Variants in DZIP1L observed in about 807,000 individuals in gnomAD.
DZIP1L encodes the protein cilium assembly protein DZIP1L.
In DZIP1L, 90 loss-of-function variants were observed where a neutral mutation model predicts 88.7. That is an observed-to-expected ratio of 1.02 (90% CI 0.86 to 1.21). The LOEUF (loss-of-function observed/expected upper bound fraction) is 1.21, where lower values mean the gene tolerates loss of function less well. Among genes scored for constraint, DZIP1L ranks in the 50% most tolerant of loss-of-function variants. DZIP1L has a pLI of 0.00. For synonymous variants in DZIP1L, 363 were observed against 372.1 expected, an observed-to-expected ratio of 0.98 and a Z score of 0.28; for missense variants, 932 against 955.8, an observed-to-expected ratio of 0.98 and a Z score of 0.33.
chr3:138,068,750 C>T (rs766426434), intron 12 of DZIP1L, among the ~76,000 whole-genome samples: 36 of 152,160 alleles, frequency 2.4e-4, no homozygotes, highest in Non-Finnish European at 3.8e-4. Flanking sequence ...TGCAGGAAGA[C>T]CCCACTGCCA....
At chr3:138,113,935 G>A (rs1019848400) in intron 1 of DZIP1L, among the ~76,000 whole-genome samples, 2 of 152,248 alleles carry the variant, frequency 1.3e-5, no homozygotes, top group African/African-American at 4.8e-5. Context: ...ATAGGGGTAG[G>A]TATTTGACTG....
At chr3:138,108,775 T>C (rs1364847911) in intron 1 of DZIP1L, among the ~76,000 whole-genome samples, 4 of 152,216 alleles carry the variant, frequency 2.6e-5, no homozygotes, top group African/African-American at 9.6e-5. Flanking sequence ...TAACATTAAA[T>C]GCACAAAATG....
Position 138,097,870 on chromosome 3 carries a change from G to A in DZIP1L, c.502-23C>T, listed in dbSNP as rs1419286982. ...GCACTATACAGAGAGGAAGCAATGG[G>A]GAGTACAAGATTAGGTCACCTGAGT... On this transcript the variant is annotated intron_variant, in intron 2 of 15. Coordinates refer to ENST00000327532, the MANE Select transcript of DZIP1L (RefSeq NM_173543.3). 3 of 1,598,068 alleles carry A rather than the reference G, an allele frequency of 1.9e-6. No individual in the cohort carries two copies. The Admixed American group carries it at 5.1e-5, about 27-fold the overall frequency.
intron 2 of DZIP1L, among the ~76,000 whole-genome samples, chr3:138,099,921 C>T (rs1454584964): frequency 1.3e-5 from 2 of 152,166 alleles, no homozygotes; most frequent in Admixed American, 1.3e-4. Context: ...TCCTTTATTG[C>T]AACACTAAAC....
At chr3:138,097,068 C>A (rs1013856192) in intron 3 of DZIP1L, among the ~76,000 whole-genome samples, 3 of 151,778 alleles carry the variant, frequency 2.0e-5, no homozygotes, top group Admixed American at 1.3e-4. Context: ...GCAGTCCCAG[C>A]TACTCAGGAG....
At position 138,103,929 on chromosome 3, in the gene DZIP1L, GGGGGCCACT is replaced by G. The variant is rs1224857476; in HGVS notation, c.34_42del (p.Ser12_Pro14del). 2.5e-6 allele frequency: 4 copies of G among 1,613,374 alleles called. No individual in the cohort carries two copies. Among genetic ancestry groups the G allele is most frequent in the Non-Finnish European group, 1.7e-6 (2 of 1,180,024 alleles). On this transcript the variant is annotated inframe_deletion, in exon 2 of 16. Coordinates refer to ENST00000327532, the MANE Select transcript of DZIP1L (RefSeq NM_173543.3). ...GTGGGGAACGTGTAGGCCCCAAAGA[GGGGGCCACT>G]GAGGCCCTCAGCAGTGGCAGCTGGG... is the stretch of plus-strand genomic sequence containing the variant.
At chr3:138,096,638 AT>A (rs1944480386) in intron 3 of DZIP1L, among the ~76,000 whole-genome samples, 1 of 152,174 alleles carries the variant, frequency 6.6e-6, no homozygotes, top group Non-Finnish European at 1.5e-5. Flanking sequence ...CTATATTTAA[AT>A]TTTCTATACC....
chr3:138,097,611 C>G (rs1024297419), intron 3 of DZIP1L, 152 bp downstream of exon 3: 19 of 696,702 alleles, frequency 2.7e-5, no homozygotes, highest in Non-Finnish European at 4.5e-5. Context: ...GTGGGCTCCC[C>G]CGGTGGTGGA....
At chr3:138,104,631 T>A (rs540030976) in intron 1 of DZIP1L, among the ~76,000 whole-genome samples, 2 of 152,282 alleles carry the variant, frequency 1.3e-5, no homozygotes, top group Non-Finnish European at 2.9e-5. Context: ...TCTCCAGCAA[T>A]AACGTGTGAT....
intron 1 of DZIP1L, among the ~76,000 whole-genome samples, chr3:138,106,847 G>A (rs866299942): frequency 1.8e-5 from 2 of 113,770 alleles, no homozygotes; most frequent in Admixed American, 1.0e-4. Flanking sequence ...AAAGTGGTAG[G>A]ACTAGGTTGG....
At chr3:138,088,312 G>A (rs1944038930) in intron 6 of DZIP1L, 67 bp downstream of exon 6, 1 of 1,511,056 alleles carries the variant, frequency 6.6e-7, no homozygotes, top group Non-Finnish European at 8.8e-7. Context: ...ATAAATGAGA[G>A]AATATATTGG....
intron 11 of DZIP1L, 69 bp downstream of exon 11, chr3:138,077,430 G>A (rs1943463381): frequency 1.3e-6 from 2 of 1,584,284 alleles, no homozygotes; most frequent in South Asian, 2.3e-5. Context: ...TCGATCATTT[G>A]TCTGTCTGAG....
At chr3:138,094,269 A>T (rs1944366131) in intron 4 of DZIP1L, among the ~76,000 whole-genome samples, 1 of 152,262 alleles carries the variant, frequency 6.6e-6, no homozygotes, top group Non-Finnish European at 1.5e-5. Flanking sequence ...ACTGTTGGAA[A>T]ATGATGCTGA....
At chr3:138,112,661 T>G (rs941637775) in intron 1 of DZIP1L, among the ~76,000 whole-genome samples, 4 of 152,178 alleles carry the variant, frequency 2.6e-5, no homozygotes, top group African/African-American at 9.7e-5. Flanking sequence ...AATGACTCAC[T>G]GTCAACCAGG....
intron 3 of DZIP1L, among the ~76,000 whole-genome samples, chr3:138,096,406 A>G (rs753025842): frequency 3.3e-5 from 5 of 152,254 alleles, no homozygotes; most frequent in Admixed American, 6.5e-5. Flanking sequence ...AAATTATGAT[A>G]GCCACTTAAT....
chr3:138,110,147 T>A (rs1004064482), intron 1 of DZIP1L, among the ~76,000 whole-genome samples: 1 of 152,134 alleles, frequency 6.6e-6, no homozygotes, highest in Non-Finnish European at 1.5e-5. Context: ...CTTTTGGTGT[T>A]TTAGTCATGA....
At chr3:138,073,758 A>C (rs903638966) in intron 11 of DZIP1L, among the ~76,000 whole-genome samples, 3 of 152,194 alleles carry the variant, frequency 2.0e-5, no homozygotes, top group Admixed American at 6.5e-5. Context: ...TCAATTATTA[A>C]GCTAATCAAG....
Position 138,092,555 on chromosome 3 carries a change from G to A in DZIP1L, c.709-11C>T, listed in dbSNP as rs906681811. The A allele has an allele frequency of 8.4e-6, 13 of 1,554,206 alleles. No individual in the cohort carries two copies. Among genetic ancestry groups the A allele is most frequent in the Non-Finnish European group, 1.1e-5 (13 of 1,159,914 alleles). Reference sequence around the variant, plus strand: ...AATGAGCTCTGCTTCCTAAAAAGAAGAGCAAGAACAATATGATGATTAATT... The same window carrying A: ...AATGAGCTCTGCTTCCTAAAAAGAAAAGCAAGAACAATATGATGATTAATT... On this transcript the variant is annotated splice_polypyrimidine_tract_variant and intron_variant, in intron 4 of 15. Coordinates refer to ENST00000327532, the MANE Select transcript of DZIP1L (RefSeq NM_173543.3).
rs183836909 is a variant in DZIP1L, at chr3:138,092,797, A to G, written c.709-253T>C. 2.0e-5 allele frequency among the ~76,000 whole-genome samples: 3 copies of G among 152,332 alleles called. No homozygotes were observed. In the East Asian group the frequency reaches 5.8e-4, roughly 29 times the overall value. ...ATTTGCTCATCCATAAGAAGCAACT[A>G]CTGAACCATTAGTTTTATCATGAGG... On this transcript the variant is annotated intron_variant, in intron 4 of 15. Coordinates refer to ENST00000327532, the MANE Select transcript of DZIP1L (RefSeq NM_173543.3).
Sources: gnomAD v4.1 joint callset for allele counts (sites outside exome capture counted in the v4.1 genomes callset) on GRCh38, gnomAD v4.1.1 for gene constraint, MANE v1.5 for transcripts, NCBI Gene and HGNC (gene_info 2026-07-23, HGNC 2026-07-21) for gene names.